The following CAPN7 variants were observed in gnomAD, a reference collection of about 807,000 sequenced individuals.
CAPN7 encodes the protein calpain 7.
Under a neutral mutation model 115.2 loss-of-function variants are expected in CAPN7, and 72 were observed. The observed-to-expected ratio is 0.63, with a 90% CI of 0.52 to 0.76. The LOEUF is 0.76. CAPN7 is among the 30% of genes least tolerant of loss of function. The pLI, the probability that CAPN7 is intolerant of heterozygous loss-of-function variation, is 0.00. For missense variants in CAPN7, 905 were observed against 971.5 expected, an observed-to-expected ratio of 0.93 and a Z score of 0.91; for synonymous variants, 344 against 322.3, an observed-to-expected ratio of 1.07 and a Z score of -0.72.
intron 13 of CAPN7, 54 bp from the exon 14 acceptor site, chr3:15,240,700 T>C: frequency 6.4e-7 from 1 of 1,556,612 alleles, no homozygotes; most frequent in South Asian, 1.2e-5. Context: ...TGTAACTGAC[T>C]TAAATCATTT....
At chr3:15,248,420 ACTT>A (rs1342908488) in intron 19 of CAPN7, among the ~76,000 whole-genome samples, 1 of 152,244 alleles carries the variant, frequency 6.6e-6, no homozygotes, top group African/African-American at 2.4e-5. Context: ...ATGTGATTCT[ACTT>A]CTGTGAAGTC....
At position 15,206,463 on chromosome 3, in the gene CAPN7, T is replaced by G. The variant is rs1332855308; in HGVS notation, c.-33T>G. On this transcript the variant is annotated 5_prime_UTR_variant, in exon 1 of 21. Coordinates refer to ENST00000253693, the MANE Select transcript of CAPN7 (RefSeq NM_014296.3). Reference sequence around the variant, plus strand: ...CGAAGAGCCGTCCTGCGTCAGGGCCTCCTTCCCTGCCCCGGCGCGGGGCCA... The same window carrying G: ...CGAAGAGCCGTCCTGCGTCAGGGCCGCCTTCCCTGCCCCGGCGCGGGGCCA... 3 of 1,502,782 alleles carry G rather than the reference T, an allele frequency of 2.0e-6. No homozygotes were observed. The highest frequency in any genetic ancestry group is 2.2e-4 in the Middle Eastern group (1 of 4,506). 93.1% of individuals were successfully genotyped at this position (1,502,782 alleles called of 1,614,324 possible). A position where few individuals can be genotyped will look rare whatever the true frequency, so the allele number is the denominator to read the frequency against.
At chr3:15,233,219 C>G (rs968381708) in intron 10 of CAPN7, among the ~76,000 whole-genome samples, 1 of 152,072 alleles carries the variant, frequency 6.6e-6, no homozygotes, top group Non-Finnish European at 1.5e-5. Context: ...GTCTTAAAGT[C>G]GTAAAGATGA....
rs1167202153 is a variant in CAPN7, at chr3:15,252,310, A to G, written c.*1050A>G. ...AAATGTTTATACTTACGGATATTGC[A>G]TAGTTTAAGTTAGATTTATTGAAAG... On this transcript the variant is annotated 3_prime_UTR_variant, in exon 21 of 21. Coordinates refer to ENST00000253693, the MANE Select transcript of CAPN7 (RefSeq NM_014296.3). The G allele has an allele frequency of 6.6e-6, 1 of 152,634 alleles. No individual in the cohort carries two copies. Among genetic ancestry groups the G allele is most frequent in the Non-Finnish European group, 1.5e-5 (1 of 68,022 alleles). 9.5% of individuals were successfully genotyped at this position (152,634 alleles called of 1,614,324 possible). A position where few individuals can be genotyped will look rare whatever the true frequency, so the allele number is the denominator to read the frequency against.
At chr3:15,229,666 C>A (rs1354591420) in intron 8 of CAPN7, among the ~76,000 whole-genome samples, 1 of 145,178 alleles carries the variant, frequency 6.9e-6, no homozygotes, top group Admixed American at 7.1e-5. Flanking sequence ...ACCTCTGCCT[C>A]CTGGGTTCAA....
chr3:15,228,934 C>T lies in CAPN7; in HGVS notation c.853-40C>T, dbSNP rs186345540. ...GTATATTGCGGTAATGTTGAAATTA[C>T]GTGAATGAATATGAATATGTTAATT... On this transcript the variant is annotated intron_variant, in intron 7 of 20. Transcript: ENST00000253693. The T allele has an allele frequency of 2.9e-4, 414 of 1,436,904 alleles. 1 individual carries two copies. Among genetic ancestry groups the T allele is most frequent in the South Asian group, 5.4e-4 (46 of 84,872 alleles). 89.0% of individuals were successfully genotyped at this position (1,436,904 alleles called of 1,614,324 possible).
In CAPN7 at chr3:15,227,897, G is replaced by C; in HGVS notation, c.784G>C (p.Val262Leu). 6.4e-7 allele frequency: 1 copy of C among 1,551,794 alleles called. No individual in the cohort carries two copies. The highest frequency in any genetic ancestry group is 8.7e-7 in the Non-Finnish European group (1 of 1,146,852). Residue 262 changes from valine to leucine, a missense_variant, in exon 7 of 21, where the codon GTA becomes CTA. Transcript: ENST00000253693. ...ACAAAAAACTACATTTTCCAAGTGG[G>C]TACGACCAGAAGACCTCACCAACAA... ...PKQKTTFSKW[V>L]RPEDLTNNPT...
At chr3:15,228,290 C>T (rs1276762951) in intron 7 of CAPN7, among the ~76,000 whole-genome samples, 1 of 151,998 alleles carries the variant, frequency 6.6e-6, no homozygotes, top group Non-Finnish European at 1.5e-5. Context: ...AGTAATTATT[C>T]AAAATCAATT....
intron 1 of CAPN7, chr3:15,210,749 G>A: frequency 7.8e-7 from 1 of 1,274,472 alleles, no homozygotes; most frequent in South Asian, 1.2e-5. Context: ...TGTAGAGACA[G>A]GGTTTCACCA....
At chr3:15,230,158 C>T (rs1249160908) in intron 8 of CAPN7, among the ~76,000 whole-genome samples, 1 of 152,148 alleles carries the variant, frequency 6.6e-6, no homozygotes, top group Non-Finnish European at 1.5e-5. Context: ...AATATATACA[C>T]TTAATAGATG....
intron 4 of CAPN7, among the ~76,000 whole-genome samples, chr3:15,219,935 T>G (rs1326781631): frequency 6.6e-6 from 1 of 152,176 alleles, no homozygotes; most frequent in Non-Finnish European, 1.5e-5. Flanking sequence ...GCACGGTGGC[T>G]CACGCCTGTA....
intron 16 of CAPN7, among the ~76,000 whole-genome samples, chr3:15,245,232 A>G (rs1435103623): frequency 6.6e-6 from 1 of 151,934 alleles, no homozygotes; most frequent in African/African-American, 2.4e-5. Context: ...AAGATCCTCT[A>G]CGGGAGAAAA....
At chr3:15,247,164 C>A (rs1363736363) in intron 18 of CAPN7, 163 bp from the exon 19 acceptor site, 4 of 589,418 alleles carry the variant, frequency 6.8e-6, no homozygotes, top group Non-Finnish European at 1.2e-5. Flanking sequence ...GTTAGTGGAG[C>A]AAAGCAGCCT....
intron 19 of CAPN7, among the ~76,000 whole-genome samples, chr3:15,250,630 C>A (rs1417466282): frequency 2.0e-5 from 3 of 152,158 alleles, no homozygotes. Context: ...CAAGATCGTG[C>A]CTCTGCACTC....
At chr3:15,228,831 A>G (rs988696878) in intron 7 of CAPN7, 143 bp from the exon 8 acceptor site, 1 of 608,590 alleles carries the variant, frequency 1.6e-6, no homozygotes. Context: ...GTTACCTTCC[A>G]CATGTACCCC....
At chr3:15,247,643 A>G (rs1695746414) in intron 19 of CAPN7, among the ~76,000 whole-genome samples, 186 bp downstream of exon 19, 1 of 152,196 alleles carries the variant, frequency 6.6e-6, no homozygotes, top group Non-Finnish European at 1.5e-5. Flanking sequence ...ATCCATGTGT[A>G]AAAAGGGTAA....
At position 15,252,811 on chromosome 3, in the gene CAPN7, T is replaced by C. The variant is rs1462983793; in HGVS notation, c.*1551T>C. 3 of 127,564 alleles carry C rather than the reference T, an allele frequency of 2.4e-5. No homozygotes were observed. The highest frequency in any genetic ancestry group is 1.6e-4 in the African/African-American group (3 of 18,586). The allele number at this position is 127,564 out of a possible 1,614,324, so 7.9% of individuals were successfully genotyped here. A position where few individuals can be genotyped will look rare whatever the true frequency, so the allele number is the denominator to read the frequency against. On this transcript the variant is annotated 3_prime_UTR_variant, in exon 21 of 21. Transcript: ENST00000253693. ...GATACTTTAACTTGGACCTTGAAGGTAAAGCTTCAAAAGACAGGTTACTGA... is the reference window on the plus strand; with the variant it reads ...GATACTTTAACTTGGACCTTGAAGGCAAAGCTTCAAAAGACAGGTTACTGA...
intron 11 of CAPN7, among the ~76,000 whole-genome samples, chr3:15,234,379 C>T (rs1463986259): frequency 6.6e-6 from 1 of 152,036 alleles, no homozygotes; most frequent in Non-Finnish European, 1.5e-5. Flanking sequence ...ATAGAGATTG[C>T]AGAAGTTGTC....
At chr3:15,218,246 G>A (rs1210751953) in intron 3 of CAPN7, among the ~76,000 whole-genome samples, 2 of 152,154 alleles carry the variant, frequency 1.3e-5, no homozygotes, top group African/African-American at 4.8e-5. Context: ...AACAGTTCTG[G>A]TCCAGTTATC....
Sources: gnomAD v4.1 joint callset for allele counts (sites outside exome capture counted in the v4.1 genomes callset) on GRCh38, gnomAD v4.1.1 for gene constraint, MANE v1.5 for transcripts, NCBI Gene and HGNC (gene_info 2026-07-23, HGNC 2026-07-21) for gene names.